Variants in ALS2 observed in about 807,000 individuals in gnomAD.
The protein encoded by ALS2 is alsin.
Under a neutral mutation model 203.4 loss-of-function variants are expected in ALS2, and 117 were observed. The observed-to-expected ratio is 0.58, with a 90% CI of 0.50 to 0.67. The LOEUF is 0.67. Among genes scored for constraint, ALS2 ranks in the 30% least tolerant of loss-of-function variants. ALS2 has a pLI of 0.00. For synonymous variants in ALS2, 718 were observed against 725.9 expected (o/e 0.99, Z 0.17); for missense variants, 1,715 against 1,989.4 (o/e 0.86, Z 2.62).
rs9288322 is a variant in ALS2 at position 201,727,791 on chromosome 2, C to T, written c.2842-16G>A. 8,291 of 1,551,238 alleles carry T rather than the reference C, an allele frequency of 5.3e-3. 354 individuals carry two copies. In the African/African-American group the frequency reaches 0.099, roughly 18 times the overall value. On this transcript the variant is annotated splice_polypyrimidine_tract_variant and intron_variant, in intron 15 of 33. Coordinates refer to ENST00000264276, the MANE Select transcript of ALS2 (RefSeq NM_020919.4). ...GCGTGGAGAACTGAAACAGAGAACACGGAGGCACTTTTATGAAAGCCCATG... is the reference window on the plus strand; with the variant it reads ...GCGTGGAGAACTGAAACAGAGAACATGGAGGCACTTTTATGAAAGCCCATG...
chr2:201,770,093 A>G (rs1694308372), intron 1 of ALS2, among the ~76,000 whole-genome samples: 1 of 152,250 alleles, frequency 6.6e-6, no homozygotes, highest in Non-Finnish European at 1.5e-5. Flanking sequence ...GATAGTAATT[A>G]GCCTTTTGTA....
chr2:201,726,620 T>A (rs774153216), intron 18 of ALS2, 44 bp downstream of exon 18: 1 of 1,609,844 alleles, frequency 6.2e-7, no homozygotes, highest in East Asian at 2.2e-5. Context: ...TTCTATCATG[T>A]GATGATCATC....
At chr2:201,739,060 G>A (rs1445474663) in intron 11 of ALS2, among the ~76,000 whole-genome samples, 1 of 151,768 alleles carries the variant, frequency 6.6e-6, no homozygotes, top group Non-Finnish European at 1.5e-5. Context: ...GCAGCATGGG[G>A]AAACCCGACT....
chr2:201,723,357 C>G lies in ALS2; in HGVS notation c.3597G>C (p.Glu1199Asp). 2 of 1,613,656 alleles carry G rather than the reference C, an allele frequency of 1.2e-6. No homozygotes were observed. Among genetic ancestry groups the G allele is most frequent in the Non-Finnish European group, 1.7e-6 (2 of 1,179,632 alleles). ...TCATTTTATTAAGGTGAAAGTTGCC[C>G]TCGTAGTATAATCCAAACTGGGTAA... ...VVVTQFGLYY[E>D]GNFHLNKMMG... is the part of the protein sequence containing the mutation. Residue 1199 changes from glutamate (E) to aspartate (D), a missense_variant, in exon 22 of 34, where the codon GAG becomes GAC. Around this residue, in one of 3 missense-constraint regions of ALS2, gnomAD observed 1,227 missense variants for 1,413.5 expected, o/e 0.87. Coordinates refer to ENST00000264276, the MANE Select transcript of ALS2 (RefSeq NM_020919.4).
chr2:201,713,295 T>C (rs1413313215), intron 25 of ALS2, among the ~76,000 whole-genome samples: 1 of 151,976 alleles, frequency 6.6e-6, no homozygotes, highest in Non-Finnish European at 1.5e-5. Flanking sequence ...GCTAATTTTG[T>C]ATTTTTAGTA....
rs11288181 is a variant in ALS2, at chr2:201,770,450, ATT to A, written c.-60-1507_-60-1506del. Among the ~76,000 whole-genome samples the A allele has an allele frequency of 8.7e-3, 1,309 of 151,226 alleles. 18 individuals are homozygous for A. The highest frequency in any genetic ancestry group is 0.029 in the African/African-American group (1,198 of 41,212). ...TCAATATTATTTATCACCACCACTCATTTTTTTTTTTAACCTAAATGGAATTA... is the reference window on the plus strand; with the variant it reads ...TCAATATTATTTATCACCACCACTCATTTTTTTTTAACCTAAATGGAATTA... On this transcript the variant is annotated intron_variant, in intron 1 of 33. Coordinates refer to ENST00000264276, the MANE Select transcript of ALS2 (RefSeq NM_020919.4).
intron 33 of ALS2, 58 bp from the exon 34 acceptor site, chr2:201,701,947 A>G: frequency 6.7e-7 from 1 of 1,503,204 alleles, no homozygotes; most frequent in Non-Finnish European, 9.3e-7. Flanking sequence ...ACATAAAGAG[A>G]GCAATGCATA....
At chr2:201,720,714 A>AAC (rs146362505) in intron 23 of ALS2, among the ~76,000 whole-genome samples, 1,607 of 149,056 alleles carry the variant, frequency 0.011, 14 homozygotes, top group African/African-American at 0.019. Flanking sequence ...ACACTATCTC[A>AAC]ACACACACAC....
chr2:201,753,231 A>G lies in ALS2; in HGVS notation c.1652T>C (p.Leu551Ser), dbSNP rs1693173657. The change falls in exon 7 of 34, where the codon TTG becomes TCG. Residue 551 changes from leucine to serine, a missense_variant. Physicochemically the swap from Leu to Ser is moderately radical, Grantham distance 145. This residue lies in a region of ALS2 where 1,227 missense variants were observed against 1,413.5 expected (regional missense o/e 0.87). Coordinates refer to ENST00000264276, the MANE Select transcript of ALS2 (RefSeq NM_020919.4). ...HGDVLPRLQP[L>S]CVKCLDGKEV... ...TTTGCCATCCAGACATTTTACACAC[A>G]ACGGTTGAAGCCTTAAAAAGAAACA... The G allele has an allele frequency of 1.9e-6, 3 of 1,613,924 alleles. No individual in the cohort carries two copies. The highest frequency in any genetic ancestry group is 1.7e-6 in the Non-Finnish European group (2 of 1,179,916).
intron 12 of ALS2, 192 bp downstream of exon 12, chr2:201,738,478 T>C (rs1692027282): frequency 1.7e-6 from 1 of 602,868 alleles, no homozygotes; most frequent in Non-Finnish European, 3.0e-6. Flanking sequence ...ACTTTTTCAA[T>C]AGCATACTAC....
chr2:201,719,364 G>A (rs1690609894), intron 23 of ALS2, among the ~76,000 whole-genome samples: 1 of 152,198 alleles, frequency 6.6e-6, no homozygotes, highest in Non-Finnish European at 1.5e-5. Context: ...GCCAAGGTGG[G>A]CAGATCATGA....
At chr2:201,761,930 T>G in intron 3 of ALS2, 112 bp from the exon 4 acceptor site, 1 of 1,226,366 alleles carries the variant, frequency 8.2e-7, no homozygotes. Context: ...GATTTTCTTT[T>G]TAAATTTTCA....
intron 15 of ALS2, among the ~76,000 whole-genome samples, chr2:201,728,114 A>T (rs1691306397): frequency 6.6e-6 from 1 of 152,178 alleles, no homozygotes; most frequent in African/African-American, 2.4e-5. Flanking sequence ...TTATTATTAT[A>T]CTTTAAGTTC....
At chr2:201,711,321 C>T (rs762047575) in intron 25 of ALS2, among the ~76,000 whole-genome samples, 6 of 152,098 alleles carry the variant, frequency 3.9e-5, no homozygotes, top group Admixed American at 6.6e-5. Flanking sequence ...TTACTTTGTA[C>T]CATAAATTAA....
In ALS2 at chr2:201,757,668, G is replaced by A; in HGVS notation, c.1205C>T (p.Ala402Val). The change falls in exon 5 of 34, where the codon GCT (alanine) becomes GTT (valine). Residue 402 changes from alanine to valine, a missense_variant. This residue lies in a region of ALS2 where 476 missense variants were observed against 539.3 expected (regional missense o/e 0.88). Coordinates refer to ENST00000264276, the MANE Select transcript of ALS2 (RefSeq NM_020919.4). ...AGTAGCAGCCACTCTCACACCAACA[G>A]CAGATGCACAAGAGACCACCAGGCT... The part of the protein sequence containing the change: ...LNSLVVSCAS[A>V]VGVRVAATYE... The A allele has an allele frequency of 6.2e-7, 1 of 1,614,042 alleles. No homozygotes were observed. Among genetic ancestry groups the A allele is most frequent in the East Asian group, 2.2e-5 (1 of 44,882 alleles).
chr2:201,773,589 G>A (rs1037921940), intron 1 of ALS2, among the ~76,000 whole-genome samples: 1 of 152,210 alleles, frequency 6.6e-6, no homozygotes, highest in Non-Finnish European at 1.5e-5. Context: ...AGATGTCTGT[G>A]AGAAACCCAA....
At chr2:201,744,950 A>C (rs1692534204) in intron 9 of ALS2, among the ~76,000 whole-genome samples, 1 of 152,198 alleles carries the variant, frequency 6.6e-6, no homozygotes, top group Admixed American at 6.5e-5. Flanking sequence ...TTTTCTTAAA[A>C]AGGGACTTTT....
intron 3 of ALS2, chr2:201,763,427 TC>T: frequency 4.2e-6 from 1 of 240,090 alleles, no homozygotes. Context: ...TGATGCCATC[TC>T]CAAGACCTAC....
At chr2:201,711,220 G>A (rs1267117895) in intron 25 of ALS2, 112 bp from the exon 26 acceptor site, 4 of 740,312 alleles carry the variant, frequency 5.4e-6, no homozygotes, top group African/African-American at 3.5e-5. Context: ...AGCATCCAAC[G>A]TAGTACTAAA....
Sources: gnomAD v4.1 joint callset for allele counts (sites outside exome capture counted in the v4.1 genomes callset) on GRCh38, gnomAD v4.1.1 for gene constraint, gnomAD v4.1.1 regional missense constraint, MANE v1.5 for transcripts, NCBI Gene and HGNC (gene_info 2026-07-23, HGNC 2026-07-21) for gene names.